Variants in ZC3H4 observed in about 807,000 individuals in gnomAD.
The protein encoded by ZC3H4 is zinc finger CCCH-type containing 4, also known as zinc finger CCCH domain-containing protein 4.
Under a neutral mutation model 108.3 loss-of-function variants are expected in ZC3H4, and 13 were observed. That is an observed-to-expected ratio of 0.12 (90% confidence interval 0.08 to 0.19). The LOEUF is 0.19. Ranked by LOEUF, ZC3H4 falls within the 10% of genes least tolerant of loss-of-function variation. The pLI is 1.00. For missense variants in ZC3H4, 1,734 were observed against 1,838.8 expected (o/e 0.94, Z 1.04); for synonymous variants, 917 against 749.6 (o/e 1.22, Z -3.65).
At position 47,066,640 on chromosome 19, in the gene ZC3H4, T is replaced by G. The variant is rs768544149; in HGVS notation, c.3628A>C (p.Thr1210Pro). ...ETGKAGADGGTPTDRYNSYNR... is the reference protein window; with the variant it reads ...ETGKAGADGGPPTDRYNSYNR... Reference sequence around the variant, plus strand: ...TAGCTGTTGTATCTGTCCGTGGGGGTGCCCCCATCAGCACCGGCCTTCCCT... The same window carrying G: ...TAGCTGTTGTATCTGTCCGTGGGGGGGCCCCCATCAGCACCGGCCTTCCCT... Residue 1210 changes from threonine to proline, a missense_variant, in exon 15 of 15, where the codon ACC (threonine) becomes CCC (proline). By Grantham distance (38) the Thr-to-Pro change is conservative. Coordinates refer to ENST00000253048, the MANE Select transcript of ZC3H4 (RefSeq NM_015168.2). 1.9e-6 allele frequency: 3 copies of G among 1,611,598 alleles called. No individual in the cohort carries two copies. In the South Asian group the frequency reaches 3.3e-5, roughly 18 times the overall value.
At chr19:47,069,451 C>T (rs541195727) in intron 13 of ZC3H4, 108 bp from the exon 14 acceptor site, 640 of 1,403,940 alleles carry the variant, frequency 4.6e-4, no homozygotes, top group Non-Finnish European at 5.7e-4. Context: ...TGGAGAAGGA[C>T]GCACAGCCTG....
chr19:47,086,240 T>C (rs970159537), intron 6 of ZC3H4, 144 bp downstream of exon 6: 39 of 889,026 alleles, frequency 4.4e-5, no homozygotes, highest in South Asian at 2.9e-4. Flanking sequence ...TTTAAACACA[T>C]ACATCTGCGC....
chr19:47,096,471 A>C (rs1173681182), intron 2 of ZC3H4, among the ~76,000 whole-genome samples: 2 of 152,212 alleles, frequency 1.3e-5, no homozygotes, highest in Non-Finnish European at 1.5e-5. Flanking sequence ...GACTGGGAAA[A>C]CTGGTTTTGT....
At chr19:47,087,297 C>CA (rs113461090) in intron 5 of ZC3H4, among the ~76,000 whole-genome samples, 78,137 of 146,432 alleles carry the variant, frequency 0.53, 23,059 homozygotes, top group Non-Finnish European at 0.68. Context: ...CACACACACA[C>CA]AAAAAAAAAC....
Position 47,090,079 on chromosome 19 carries a change from A to G in ZC3H4, c.603T>C (p.Tyr201=), listed in dbSNP as rs1234009058. The part of the protein sequence containing the change: ...GMYEDYENEQ[Y]GEYEGDEEED... ...CCTCCTCGTCGCCCTCATATTCCCC[A>G]TACTGCTCATTCTCGTAGTCCTCGT... The change falls in exon 5 of 15, where the codon TAT becomes TAC. Residue 201 remains tyrosine (Y), a synonymous_variant. Coordinates refer to ENST00000253048, the MANE Select transcript of ZC3H4 (RefSeq NM_015168.2). The G allele has an allele frequency of 6.2e-7, 1 of 1,613,956 alleles. No individual in the cohort carries two copies. The highest frequency in any genetic ancestry group is 8.5e-7 in the Non-Finnish European group (1 of 1,179,980).
intron 13 of ZC3H4, among the ~76,000 whole-genome samples, chr19:47,070,691 G>T (rs2057310675): frequency 6.6e-6 from 1 of 152,062 alleles, no homozygotes; most frequent in African/African-American, 2.4e-5. Flanking sequence ...TAAAGCCAAA[G>T]CCCACGTTCA....
intron 4 of ZC3H4, among the ~76,000 whole-genome samples, chr19:47,092,039 T>C (rs2057741358): frequency 6.6e-6 from 1 of 151,812 alleles, no homozygotes; most frequent in Non-Finnish European, 1.5e-5. Flanking sequence ...TGAAACCCCA[T>C]CTCTACCAAA....
At chr19:47,078,945 T>C (rs911913209) in intron 11 of ZC3H4, among the ~76,000 whole-genome samples, 4 of 147,370 alleles carry the variant, frequency 2.7e-5, no homozygotes, top group South Asian at 4.8e-4. Context: ...GAGAATCGCT[T>C]GAACCCAGAA....
In ZC3H4 at chr19:47,067,276, C is replaced by T. The variant is rs774730626; in HGVS notation, c.2992G>A (p.Val998Met). ...PIPKQDAVPP[V>M]PAALQSMPTL... ...GGCATGGATTGCAGGGCCGCGGGCA[C>T]GGGGGGCACTGCGTCCTGCTTGGGG... Residue 998 changes from valine to methionine, a missense_variant, in exon 15 of 15, where the codon GTG becomes ATG. Physicochemically the swap from Val to Met is conservative, Grantham distance 21 (BLOSUM62 1). Coordinates refer to ENST00000253048, the MANE Select transcript of ZC3H4 (RefSeq NM_015168.2). This position sits in a 1 kb window ranked among gnomAD's most constrained non-coding sequence, Gnocchi z 6.4. The T allele has an allele frequency of 4.3e-5, 69 of 1,588,176 alleles. No individual in the cohort carries two copies. The highest frequency in any genetic ancestry group is 1.7e-4 in the Middle Eastern group (1 of 5,966).
Position 47,066,702 on chromosome 19 carries a change from G to C in ZC3H4, c.3566C>G (p.Pro1189Arg). 2.5e-6 allele frequency: 4 copies of C among 1,609,216 alleles called. No homozygotes were observed. The highest frequency in any genetic ancestry group is 2.2e-5 in the East Asian group (1 of 44,790). The change falls in exon 15 of 15, where the codon CCG becomes CGG. Residue 1189 changes from proline (P) to arginine (R), a missense_variant. Pro to Arg is a moderately radical substitution (Grantham distance 103). Transcript: ENST00000253048. ...TTCCAGGGCAGACTTGCGGACGAAC[G>C]GGGGCTCCTTAGCCTTGGAGGCCGA... ...KSSASKAKEP[P>R]FVRKSALEQP...
At chr19:47,096,956 A>T in intron 2 of ZC3H4, 2 of 985,418 alleles carry the variant, frequency 2.0e-6, no homozygotes, top group Non-Finnish European at 2.4e-6. Context: ...GCCCAGGGTC[A>T]GCTGAGGCCT....
chr19:47,086,652 T>TCTCCTCCTCCTC (rs535318899), intron 5 of ZC3H4, 114 bp from the exon 6 acceptor site: 1 of 1,383,526 alleles, frequency 7.2e-7, no homozygotes, highest in South Asian at 1.6e-5. Flanking sequence ...TCCTCCTCCT[T>TCTCCTCCTCCTC]CTCCTCCTCC....
Position 47,076,926 on chromosome 19 carries a change from G to GA in ZC3H4, c.1441-4214dup, listed in dbSNP as rs2057432067. Among the ~76,000 whole-genome samples, 4 of 152,082 alleles carry GA rather than the reference G, an allele frequency of 2.6e-5. No homozygotes were observed. The South Asian group carries it at 8.3e-4, about 31-fold the overall frequency. On this transcript the variant is annotated intron_variant, in intron 11 of 14. Transcript: ENST00000253048. ...GAGAATCGCTTGAACCTGGGAGGCG[G>GA]AAACTACAGTGAGCCAAGGTTGCAC...
chr19:47,100,359 T>A (rs1048719450), intron 2 of ZC3H4, among the ~76,000 whole-genome samples: 6 of 152,184 alleles, frequency 3.9e-5, no homozygotes, highest in Admixed American at 2.6e-4. Flanking sequence ...AGAACAAATG[T>A]GCTCTGTCTC....
At chr19:47,087,685 A>G (rs1194329911) in intron 5 of ZC3H4, among the ~76,000 whole-genome samples, 2 of 151,798 alleles carry the variant, frequency 1.3e-5, no homozygotes, top group Non-Finnish European at 2.9e-5. Context: ...TCAAGACCAG[A>G]TTGGGCAACA....
chr19:47,113,507 C>G (rs1039322496), intron 1 of ZC3H4: 1 of 152,444 alleles, frequency 6.6e-6, no homozygotes, highest in Non-Finnish European at 1.5e-5. Flanking sequence ...TGGAAACAGC[C>G]GAAAGAAAAG....
At chr19:47,092,483 G>C (rs1040667146) in intron 4 of ZC3H4, among the ~76,000 whole-genome samples, 8 of 152,120 alleles carry the variant, frequency 5.3e-5, no homozygotes, top group Non-Finnish European at 1.0e-4. Flanking sequence ...CTGGGTCATG[G>C]GATACCTGGG....
intron 2 of ZC3H4, among the ~76,000 whole-genome samples, chr19:47,111,273 G>A (rs1221792718): frequency 6.6e-6 from 1 of 152,220 alleles, no homozygotes; most frequent in African/African-American, 2.4e-5. Flanking sequence ...GCTCGAGCAG[G>A]GGAAGGAAAC....
At chr19:47,095,158 G>A (rs1055391520) in intron 2 of ZC3H4, among the ~76,000 whole-genome samples, 2 of 152,216 alleles carry the variant, frequency 1.3e-5, no homozygotes, top group Non-Finnish European at 2.9e-5. Flanking sequence ...CTGGGCGTCA[G>A]TGCCACCTGA....
Sources: gnomAD v4.1 joint callset for allele counts (sites outside exome capture counted in the v4.1 genomes callset) on GRCh38, gnomAD v4.1.1 for gene constraint, Gnocchi (gnomAD v3.1) non-coding constraint, MANE v1.5 for transcripts, NCBI Gene and HGNC (gene_info 2026-07-23, HGNC 2026-07-21) for gene names.